The following AOPEP variants were observed in gnomAD, a reference collection of about 807,000 sequenced individuals.
AOPEP encodes the protein aminopeptidase O (putative).
Under a neutral mutation model 98.1 loss-of-function variants are expected in AOPEP, and 77 were observed. The ratio of observed to expected loss-of-function variants is 0.78; its 90% CI spans 0.65 to 0.95. The LOEUF is 0.95. Ranked by LOEUF, AOPEP falls within the 40% of genes least tolerant of loss-of-function variation. The pLI is 0.00. For missense variants in AOPEP, 1,024 were observed against 1,024.7 expected, an observed-to-expected ratio of 1.00 and a Z score of 0.01; for synonymous variants, 346 against 365.3, an observed-to-expected ratio of 0.95 and a Z score of 0.60.
chr9:94,988,907 CCTTT>C (rs902476113), intron 11 of AOPEP, among the ~76,000 whole-genome samples: 6 of 149,840 alleles, frequency 4.0e-5, no homozygotes, highest in Non-Finnish European at 5.9e-5. Context: ...AGTTTCTTTT[CCTTT>C]CTTTTTTTTT....
chr9:95,128,775 A>G, the AOPEP span, among the ~76,000 whole-genome samples: 2 of 152,164 alleles, frequency 1.3e-5, no homozygotes, highest in South Asian at 4.1e-4. Context: ...TTTCTTTCCA[A>G]ATATTTCAGA....
the AOPEP span, among the ~76,000 whole-genome samples, chr9:95,122,310 C>T: frequency 1.3e-5 from 2 of 152,044 alleles, no homozygotes; most frequent in Non-Finnish European, 2.9e-5. Flanking sequence ...AAGAGGGTCA[C>T]GCATCTACCA....
chr9:95,101,265 T>C, the AOPEP span: 1 of 297,320 alleles, frequency 3.4e-6, no homozygotes, highest in Non-Finnish European at 6.4e-6. Flanking sequence ...CCCAGATCCC[T>C]GACTCCTAAA....
intron 14 of AOPEP, among the ~76,000 whole-genome samples, chr9:95,068,887 G>A (rs1177591404): frequency 1.3e-5 from 2 of 152,118 alleles, no homozygotes; most frequent in Non-Finnish European, 2.9e-5. Context: ...GAAATTGGCG[G>A]GGCTCAGGAT....
chr9:95,065,808 C>T (rs913198312), intron 14 of AOPEP, among the ~76,000 whole-genome samples: 4 of 152,190 alleles, frequency 2.6e-5, no homozygotes, highest in Non-Finnish European at 5.9e-5. Flanking sequence ...AGTATGATTG[C>T]AGGTACAGGG....
Position 95,009,937 on chromosome 9 carries a change from T to G in AOPEP, c.2115+4321T>G, listed in dbSNP as rs2062367123. Among the ~76,000 whole-genome samples the G allele has an allele frequency of 2.0e-5, 3 of 150,674 alleles. 1 individual carries two copies. The South Asian group carries it at 6.3e-4, about 31-fold the overall frequency. ...AATTCTGTTTTCCAAGTCTTTTAAG[T>G]GAAAAAAAAAAAGATTTTCCTTGTT... On this transcript the variant is annotated intron_variant, in intron 13 of 16. Transcript: ENST00000375315.
intron 6 of AOPEP, 90 bp from the exon 7 acceptor site, chr9:94,928,335 C>A (rs909331441): frequency 3.4e-6 from 3 of 885,974 alleles, no homozygotes; most frequent in African/African-American, 1.7e-5. Context: ...GCTATCTTGT[C>A]CCCCATTGAA....
At chr9:95,036,702 C>CTTCTTTTTTTTTTT (rs142297044) in intron 13 of AOPEP, among the ~76,000 whole-genome samples, 4 of 135,820 alleles carry the variant, frequency 2.9e-5, no homozygotes, top group Non-Finnish European at 6.2e-5. Context: ...TCTTCTTCTT[C>CTTCTTTTTTTTTTT]TTTTTTTTTT....
intron 5 of AOPEP, among the ~76,000 whole-genome samples, chr9:94,838,949 G>A (rs1370191990): frequency 1.8e-5 from 2 of 108,658 alleles, no homozygotes; most frequent in Non-Finnish European, 3.4e-5. Flanking sequence ...ATCTCACTCT[G>A]TGCCAGGCTG....
At chr9:94,792,252 C>T (rs1022883042) in intron 3 of AOPEP, among the ~76,000 whole-genome samples, 6 of 152,192 alleles carry the variant, frequency 3.9e-5, no homozygotes, top group Non-Finnish European at 8.8e-5. Flanking sequence ...GGGATGAAAA[C>T]CCAAGTGTCT....
At chr9:94,748,114 A>G (rs1328118095) in intron 1 of AOPEP, among the ~76,000 whole-genome samples, 1 of 152,182 alleles carries the variant, frequency 6.6e-6, no homozygotes, top group Non-Finnish European at 1.5e-5. Flanking sequence ...TTTCAGGACT[A>G]ATATATTTGA....
intron 13 of AOPEP, among the ~76,000 whole-genome samples, chr9:95,025,162 G>C (rs2063746181): frequency 6.6e-6 from 1 of 152,160 alleles, no homozygotes; most frequent in South Asian, 2.1e-4. Flanking sequence ...GTGCTCACCT[G>C]CTGCACCTGG....
chr9:94,760,446 C>T lies in AOPEP; in HGVS notation c.663C>T (p.Asp221=), dbSNP rs1276664522. The T allele has an allele frequency of 6.2e-7, 1 of 1,613,886 alleles. No individual in the cohort carries two copies. Among genetic ancestry groups the T allele is most frequent in the Non-Finnish European group, 8.5e-7 (1 of 1,179,878 alleles). Residue 221 remains aspartate (D), a synonymous_variant, in exon 2 of 17, where the codon GAC becomes GAT. Coordinates refer to ENST00000375315, the MANE Select transcript of AOPEP (RefSeq NM_001193329.3). The part of the protein sequence containing the change: ...QAPGCGELLF[D]TDTWSLQIRK... The stretch of plus-strand genomic sequence containing the variant: ...CTGGCTGTGGGGAACTCCTCTTTGA[C>T]ACTGACACTTGGAGCTTGCAGATAA...
chr9:94,985,147 A>G (rs1428024633), intron 11 of AOPEP, among the ~76,000 whole-genome samples: 1 of 152,264 alleles, frequency 6.6e-6, no homozygotes, highest in African/African-American at 2.4e-5. Context: ...AGCGGCAGTG[A>G]GGAGGAGAGA....
intron 5 of AOPEP, among the ~76,000 whole-genome samples, chr9:94,884,846 TAAAAATA>T (rs2048011787): frequency 6.7e-6 from 1 of 149,158 alleles, no homozygotes; most frequent in African/African-American, 2.5e-5. Flanking sequence ...CCGTCTCTAT[TAAAAATA>T]TAAAAATTAG....
intron 5 of AOPEP, among the ~76,000 whole-genome samples, chr9:94,859,169 G>A (rs1022952500): frequency 2.0e-5 from 3 of 152,186 alleles, no homozygotes; most frequent in African/African-American, 7.2e-5. Flanking sequence ...TACCATGTGA[G>A]GATGCAATGA....
chr9:95,114,506 C>A, the AOPEP span: 1 of 892,086 alleles, frequency 1.1e-6, no homozygotes, highest in Middle Eastern at 2.4e-4. Flanking sequence ...CCATGGTGCT[C>A]ACCTGTTTGG....
intron 13 of AOPEP, chr9:95,005,993 C>G (rs763342296): frequency 2.1e-5 from 10 of 485,206 alleles, no homozygotes; most frequent in South Asian, 1.5e-4. Flanking sequence ...TACTTTCTCT[C>G]ACCTAGACTT....
At chr9:95,082,542 C>T (rs753608584) in intron 15 of AOPEP, 33 bp from the exon 16 acceptor site, 30 of 1,609,804 alleles carry the variant, frequency 1.9e-5, no homozygotes, top group Non-Finnish European at 2.4e-5. Flanking sequence ...CCCACACCTT[C>T]GCCTGATGCC....
Sources: gnomAD v4.1 joint callset for allele counts (sites outside exome capture counted in the v4.1 genomes callset) on GRCh38, gnomAD v4.1.1 for gene constraint, MANE v1.5 for transcripts, NCBI Gene and HGNC (gene_info 2026-07-23, HGNC 2026-07-21) for gene names.